MSN: variants seen among roughly 807,000 people sequenced by gnomAD.
MSN encodes moesin, also known as epididymis luminal protein 70.
Under a neutral mutation model 48.0 loss-of-function variants are expected in MSN, and 2 were observed. That is an observed-to-expected ratio of 0.04 (90% CI 0.02 to 0.13). The LOEUF is 0.13. MSN is among the 10% of genes least tolerant of loss of function. The probability of loss-of-function intolerance (pLI) is 1.00; values close to 1 mark genes in which losing one functional copy is unlikely to be tolerated. For synonymous variants in MSN, 146 were observed against 166.9 expected (o/e 0.87, Z 0.97); for missense variants, 267 against 470.1 (o/e 0.57, Z 3.99).
chrX:65,628,839 C>T (rs772916430), intron 1 of MSN, among the ~76,000 whole-genome samples: 112 of 110,025 alleles, frequency 1.0e-3, no homozygotes, highest in African/African-American at 3.5e-3. Flanking sequence ...CCGAGGTGGG[C>T]GGATCACCTG....
chrX:65,648,228 T>C (rs749815785), intron 1 of MSN, among the ~76,000 whole-genome samples: 11 of 111,926 alleles, frequency 9.8e-5, no homozygotes, highest in Admixed American at 4.7e-4. Flanking sequence ...AGAAGGGTTT[T>C]TGAGGCCTGG....
chrX:65,681,839 C>A (rs918459942), intron 1 of MSN, among the ~76,000 whole-genome samples: 1 of 112,173 alleles, frequency 8.9e-6, no homozygotes, highest in Non-Finnish European at 1.9e-5. Flanking sequence ...ATATGTGATT[C>A]CAATCAAGCC....
rs148133060 is a variant in MSN, at chrX:65,725,784, C to G, written c.97-2030C>G. ...CTCATTACCTCCCACCCCCACTGAT[C>G]TTTTCTAAACATGTTTCTAATTATC... On this transcript the variant is annotated intron_variant, in intron 2 of 12. Coordinates refer to ENST00000360270, the MANE Select transcript of MSN (RefSeq NM_002444.3). Among the ~76,000 whole-genome samples, 527 of 111,858 alleles carry G rather than the reference C, an allele frequency of 4.7e-3. 8 individuals carry two copies. The Admixed American group carries it at 0.048, about 10-fold the overall frequency.
chrX:65,658,128 G>T (rs1228668765), intron 1 of MSN, among the ~76,000 whole-genome samples: 1 of 112,022 alleles, frequency 8.9e-6, no homozygotes, highest in Non-Finnish European at 1.9e-5. Context: ...ACTGAGGATG[G>T]TTAAAAGCAT....
intron 1 of MSN, among the ~76,000 whole-genome samples, chrX:65,708,204 A>G (rs2071380566): frequency 9.0e-6 from 1 of 111,228 alleles, no homozygotes; most frequent in African/African-American, 3.3e-5. Context: ...CATAAATTGT[A>G]CATATTTATG....
rs758218352 is a variant in MSN at position 65,660,482 on chromosome X, T to C, written c.-21-56336T>C. ...CCTATTTGGATACCTTTTATTTCTT[T>C]ATCTTGCCTGATTGCTCTGGCCAGG... On this transcript the variant is annotated intron_variant, in intron 1 of 3. Coordinates refer to the MSN transcript ENST00000609672. Among the ~76,000 whole-genome samples, 3 of 111,754 alleles carry C rather than the reference T, an allele frequency of 2.7e-5. No individual in the cohort carries two copies. In the South Asian group the frequency reaches 1.1e-3, roughly 41 times the overall value.
In MSN at chrX:65,738,622, G is replaced by T; in HGVS notation, c.1344+5G>T. The T allele has an allele frequency of 8.3e-7, 1 of 1,199,969 alleles. No individual in the cohort carries two copies. The highest frequency in any genetic ancestry group is 1.1e-6 in the Non-Finnish European group (1 of 886,734). On this transcript the variant is annotated splice_donor_5th_base_variant and intron_variant, in intron 11 of 12. Transcript: ENST00000360270. ...GCTGTGGAGTGGCAGCAGAAGGTAAGACACAGGGCCTAAAGCAAAGCATTG... is the reference window on the plus strand; with the variant it reads ...GCTGTGGAGTGGCAGCAGAAGGTAATACACAGGGCCTAAAGCAAAGCATTG...
At chrX:65,623,784 C>T (rs1194506215) in intron 1 of MSN, among the ~76,000 whole-genome samples, 1 of 105,463 alleles carries the variant, frequency 9.5e-6, no homozygotes, top group Admixed American at 1.0e-4. Flanking sequence ...TGCACTCCAG[C>T]CTGGGCGACA....
intron 1 of MSN, among the ~76,000 whole-genome samples, chrX:65,688,461 G>A (rs1469940042): frequency 9.0e-6 from 1 of 111,612 alleles, no homozygotes; most frequent in East Asian, 2.8e-4. Flanking sequence ...CAGCTAATGA[G>A]TAATGGAGAC....
chrX:65,724,203 G>C (rs1245289350), intron 2 of MSN, among the ~76,000 whole-genome samples: 5 of 107,519 alleles, frequency 4.7e-5, no homozygotes, highest in Non-Finnish European at 9.6e-5. Context: ...GGAGTGCAAT[G>C]GCGCGATCTC....
intron 1 of MSN, chrX:65,588,904 C>G (rs1404875134): frequency 7.4e-6 from 1 of 134,821 alleles, no homozygotes; most frequent in African/African-American, 3.2e-5. Flanking sequence ...CTCATTAAGC[C>G]CAAAGCAATT....
chrX:65,670,954 A>T (rs1477567552), intron 1 of MSN, among the ~76,000 whole-genome samples: 3 of 54,018 alleles, frequency 5.6e-5, no homozygotes, highest in Non-Finnish European at 1.0e-4. Flanking sequence ...ATATATATAT[A>T]TTTAAAAAGG....
At chrX:65,643,884 G>A (rs1268534353) in intron 1 of MSN, among the ~76,000 whole-genome samples, 1 of 111,668 alleles carries the variant, frequency 9.0e-6, no homozygotes, top group Non-Finnish European at 1.9e-5. Flanking sequence ...GTTTGCCTGG[G>A]ACTTTCCTGG....
At chrX:65,621,746 C>T (rs1459297970) in intron 1 of MSN, among the ~76,000 whole-genome samples, 1 of 112,115 alleles carries the variant, frequency 8.9e-6, no homozygotes, top group Non-Finnish European at 1.9e-5. Flanking sequence ...AAATATTAAG[C>T]CTTCATACCA....
intron 1 of MSN, 91 bp downstream of exon 1, chrX:65,667,944 G>A: frequency 9.9e-7 from 1 of 1,006,224 alleles, no homozygotes; most frequent in Middle Eastern, 3.8e-4. Flanking sequence ...GCCAGCCACC[G>A]GCCCGCCTGG....
At chrX:65,702,259 C>T (rs777588198) in intron 1 of MSN, among the ~76,000 whole-genome samples, 12 of 105,737 alleles carry the variant, frequency 1.1e-4, no homozygotes, top group East Asian at 6.2e-4. Flanking sequence ...GTGATCTGCC[C>T]GCCTTGGCCT....
At chrX:65,678,940 A>G (rs1391566446) in intron 1 of MSN, among the ~76,000 whole-genome samples, 1 of 112,085 alleles carries the variant, frequency 8.9e-6, no homozygotes, top group Non-Finnish European at 1.9e-5. Flanking sequence ...GTAGCAGAGC[A>G]GAGTGGTGAC....
intron 1 of MSN, among the ~76,000 whole-genome samples, chrX:65,656,358 T>C (rs1348227990): frequency 4.6e-5 from 5 of 109,696 alleles, no homozygotes; most frequent in African/African-American, 1.7e-4. Context: ...TAGGAGAATC[T>C]GTTCCATTAG....
At chrX:65,717,489 G>A (rs2071477834) in intron 2 of MSN, among the ~76,000 whole-genome samples, 1 of 112,332 alleles carries the variant, frequency 8.9e-6, no homozygotes, top group Admixed American at 9.4e-5. Flanking sequence ...GGCATGCCAT[G>A]AAGATAATTG....
Sources: gnomAD v4.1 joint callset for allele counts (sites outside exome capture counted in the v4.1 genomes callset) on GRCh38, gnomAD v4.1.1 for gene constraint, MANE v1.5 for transcripts, NCBI Gene and HGNC (gene_info 2026-07-23, HGNC 2026-07-21) for gene names.